The following PDE4D variants were observed in gnomAD, a reference collection of about 807,000 sequenced individuals.
PDE4D encodes 3',5'-cyclic-AMP phosphodiesterase 4D.
A neutral mutation model predicts 87.4 loss-of-function variants in PDE4D; 24 were observed. The observed-to-expected ratio is 0.27, with a 90% CI of 0.20 to 0.39. PDE4D has a LOEUF of 0.39. Among genes scored for constraint, PDE4D ranks in the 10% least tolerant of loss-of-function variants. The pLI is 1.00. For synonymous variants in PDE4D, 384 were observed against 383.2 expected, an observed-to-expected ratio of 1.00 and a Z score of -0.02; for missense variants, 714 against 1,041.0, an observed-to-expected ratio of 0.69 and a Z score of 4.32.
At chr5:59,721,765 A>C (rs998092316) in intron 1 of PDE4D, among the ~76,000 whole-genome samples, 4 of 152,174 alleles carry the variant, frequency 2.6e-5, no homozygotes, top group African/African-American at 4.8e-5. Flanking sequence ...GCTACTATAA[A>C]CTATAAAGCA....
At chr5:59,337,202 G>C (rs1185340119) in intron 1 of PDE4D, among the ~76,000 whole-genome samples, 1 of 152,100 alleles carries the variant, frequency 6.6e-6, no homozygotes. Context: ...TTCTGAGCTT[G>C]TCCAGTTCTT....
intron 1 of PDE4D, among the ~76,000 whole-genome samples, chr5:59,475,529 G>C (rs891871823): frequency 6.6e-6 from 1 of 152,034 alleles, no homozygotes; most frequent in Non-Finnish European, 1.5e-5. Flanking sequence ...GTTTTGCAGA[G>C]CAGGAACCAT....
At chr5:60,147,605 T>C (rs1781123250) in intron 2 of PDE4D, 1 of 256,484 alleles carries the variant, frequency 3.9e-6, no homozygotes. Flanking sequence ...GCAACAAATA[T>C]CTCTTACCTC....
chr5:60,415,706 C>A (rs1394685049), intron 1 of PDE4D, among the ~76,000 whole-genome samples: 1 of 152,254 alleles, frequency 6.6e-6, no homozygotes, highest in Non-Finnish European at 1.5e-5. Context: ...ACACCCCCAC[C>A]ATGGGCTCCT....
intron 2 of PDE4D, among the ~76,000 whole-genome samples, chr5:60,118,558 A>AG (rs1453906933): frequency 1.1e-5 from 1 of 87,142 alleles, no homozygotes; most frequent in Admixed American, 1.2e-4. Context: ...GGATGGATGT[A>AG]GGTTGTGTGT....
chr5:59,755,085 T>C (rs552726786), intron 1 of PDE4D, among the ~76,000 whole-genome samples: 4 of 152,312 alleles, frequency 2.6e-5, no homozygotes, highest in African/African-American at 9.6e-5. Flanking sequence ...ATGTGGCTTA[T>C]TGAATTTTAA....
At chr5:60,101,800 T>C (rs1776245492) in intron 2 of PDE4D, among the ~76,000 whole-genome samples, 1 of 152,140 alleles carries the variant, frequency 6.6e-6, no homozygotes, top group Admixed American at 6.6e-5. Context: ...GAAGATGAGG[T>C]TGTGAATTTA....
intron 1 of PDE4D, among the ~76,000 whole-genome samples, chr5:59,741,375 A>T (rs1185844593): frequency 6.6e-6 from 1 of 152,148 alleles, no homozygotes; most frequent in East Asian, 1.9e-4. Context: ...CCCTTCGTCC[A>T]GTCAATAAGC....
At chr5:59,852,619 AC>A (rs1219317353) in intron 1 of PDE4D, among the ~76,000 whole-genome samples, 1 of 152,054 alleles carries the variant, frequency 6.6e-6, no homozygotes, top group Admixed American at 6.6e-5. Context: ...AGCTATAATC[AC>A]CCAGCTAAGT....
At chr5:60,289,877 A>G (rs767944093) in intron 1 of PDE4D, among the ~76,000 whole-genome samples, 12 of 152,208 alleles carry the variant, frequency 7.9e-5, no homozygotes, top group African/African-American at 2.4e-5. Context: ...CACCTTAGAG[A>G]CACTGCAATT....
At chr5:59,472,456 A>C (rs1802601337) in intron 1 of PDE4D, among the ~76,000 whole-genome samples, 1 of 152,158 alleles carries the variant, frequency 6.6e-6, no homozygotes, top group Non-Finnish European at 1.5e-5. Context: ...AACCCATTTC[A>C]TTTGCTAACA....
intron 2 of PDE4D, among the ~76,000 whole-genome samples, chr5:60,109,777 C>T (rs547830369): frequency 1.6e-4 from 24 of 151,718 alleles, no homozygotes; most frequent in South Asian, 1.0e-3. Flanking sequence ...AACCAAACAC[C>T]GCATATTCTC....
chr5:60,091,750 T>C (rs567636089), intron 2 of PDE4D, among the ~76,000 whole-genome samples: 65 of 151,064 alleles, frequency 4.3e-4, no homozygotes, highest in African/African-American at 1.6e-3. Context: ...TATCAGTAGA[T>C]GAATGGATAA....
At chr5:59,923,651 C>T (rs1053404111) in intron 3 of PDE4D, among the ~76,000 whole-genome samples, 8 of 152,228 alleles carry the variant, frequency 5.3e-5, no homozygotes, top group South Asian at 2.1e-4. Context: ...AGAGCCATGG[C>T]ATTACTGGTC....
At chr5:60,211,490 A>AAT (rs535166369) in intron 1 of PDE4D, among the ~76,000 whole-genome samples, 2,092 of 149,356 alleles carry the variant, frequency 0.014, 22 homozygotes, top group Middle Eastern at 0.032. Flanking sequence ...TGTATATACA[A>AAT]ATATATATAT....
chr5:60,365,205 A>T (rs574854216), intron 1 of PDE4D, among the ~76,000 whole-genome samples: 1 of 152,244 alleles, frequency 6.6e-6, no homozygotes, highest in East Asian at 1.9e-4. Flanking sequence ...TAACGTGCCC[A>T]ACATATTTTC....
chr5:59,039,589 C>A, intron 5 of PDE4D: 1 of 833,546 alleles, frequency 1.2e-6, no homozygotes, highest in Non-Finnish European at 1.4e-6. Context: ...CGGGAACACT[C>A]CCCCTCACGC....
chr5:59,558,157 A>G (rs886865029), intron 1 of PDE4D, among the ~76,000 whole-genome samples: 1 of 152,168 alleles, frequency 6.6e-6, no homozygotes, highest in African/African-American at 2.4e-5. Context: ...TACTGTAGCT[A>G]TGGAGATACA....
At chr5:60,481,443 C>G (rs1215861567) in intron 1 of PDE4D, among the ~76,000 whole-genome samples, 1 of 151,976 alleles carries the variant, frequency 6.6e-6, no homozygotes, top group Non-Finnish European at 1.5e-5. Flanking sequence ...TTCTGAAAAA[C>G]AGAAACTATA....
Sources: allele counts gnomAD v4.1 joint callset (sites outside exome capture counted in the v4.1 genomes callset), GRCh38; gene constraint gnomAD v4.1.1; transcripts MANE v1.5; gene names NCBI Gene and HGNC (gene_info 2026-07-23, HGNC 2026-07-21).